LAMA2: variants seen among roughly 807,000 people sequenced by gnomAD.
The protein encoded by LAMA2 is laminin subunit alpha-2.
LAMA2 carries 269 observed loss-of-function variants against 364.8 expected under a neutral mutation model. That is an observed-to-expected ratio of 0.74 (90% CI 0.67 to 0.82). The LOEUF (loss-of-function observed/expected upper bound fraction) is 0.82, where lower values mean the gene tolerates loss of function less well. LAMA2 is among the 40% of genes least tolerant of loss of function. The pLI is 0.00. For synonymous variants in LAMA2, 1,379 were observed against 1,370.6 expected (o/e 1.01, Z -0.14); for missense variants, 3,807 against 3,873.2 (o/e 0.98, Z 0.45).
chr6:129,247,045 T>G (rs995996498), intron 12 of LAMA2, among the ~76,000 whole-genome samples: 2 of 152,092 alleles, frequency 1.3e-5, no homozygotes, highest in Non-Finnish European at 2.9e-5. Flanking sequence ...ATGGAAAGAT[T>G]GTGGAGTTGA....
chr6:129,052,159 A>G (rs4320393), intron 2 of LAMA2, among the ~76,000 whole-genome samples: 29,383 of 140,606 alleles, frequency 0.21, 4,141 homozygotes, highest in African/African-American at 0.41. Flanking sequence ...TTTTTTAGGC[A>G]GAGTTTCGCT....
At chr6:129,327,432 T>C (rs901790564) in intron 28 of LAMA2, among the ~76,000 whole-genome samples, 3 of 152,116 alleles carry the variant, frequency 2.0e-5, no homozygotes, top group Admixed American at 1.3e-4. Flanking sequence ...TTAACCAAGG[T>C]GGTAAAATAG....
chr6:129,469,307 A>G (rs773400902), intron 51 of LAMA2, among the ~76,000 whole-genome samples: 1 of 151,956 alleles, frequency 6.6e-6, no homozygotes, highest in Non-Finnish European at 1.5e-5. Context: ...ATTGGATTCA[A>G]TAATAGTCTA....
chr6:129,074,133 C>G (rs1419445291), intron 3 of LAMA2, among the ~76,000 whole-genome samples: 1 of 152,204 alleles, frequency 6.6e-6, no homozygotes, highest in South Asian at 2.1e-4. Context: ...GTTTACCACA[C>G]TCTTTCCTTC....
At chr6:129,500,625 G>C (rs1453942098) in intron 58 of LAMA2, among the ~76,000 whole-genome samples, 1 of 152,048 alleles carries the variant, frequency 6.6e-6, no homozygotes, top group Admixed American at 6.5e-5. Context: ...CTGGTCAAAG[G>C]TTTTTTTCTA....
intron 37 of LAMA2, among the ~76,000 whole-genome samples, chr6:129,395,282 A>G (rs1039400131): frequency 2.0e-5 from 3 of 152,214 alleles, no homozygotes; most frequent in African/African-American, 7.2e-5. Context: ...TCCACAATGA[A>G]GGTAACACAA....
rs1184040730 is a variant in LAMA2, at chr6:129,316,024, C to T, written c.3925-14C>T. 1.2e-6 allele frequency: 2 copies of T among 1,613,850 alleles called. No homozygotes were observed. Among genetic ancestry groups the T allele is most frequent in the Non-Finnish European group, 1.7e-6 (2 of 1,179,940 alleles). Reference sequence around the variant, plus strand: ...ATTCAGTTTTGTCATAGTGATTTCTCTTCTTGTTAACAGAAAGAATGGAAA... The same window carrying T: ...ATTCAGTTTTGTCATAGTGATTTCTTTTCTTGTTAACAGAAAGAATGGAAA... On this transcript the variant is annotated splice_polypyrimidine_tract_variant and intron_variant, in intron 26 of 64. Transcript: ENST00000421865.
At position 129,200,796 on chromosome 6, in the gene LAMA2, G is replaced by A. The variant is rs554121373; in HGVS notation, c.1782+7943G>A. ...CATAGATGAATACTTAACTTTTATT[G>A]AAATAGGCATTGCAGATCAATGACA... On this transcript the variant is annotated intron_variant, in intron 12 of 64. Transcript: ENST00000421865. Among the ~76,000 whole-genome samples, 5 of 152,102 alleles carry A rather than the reference G, an allele frequency of 3.3e-5. No homozygotes were observed. In the East Asian group the frequency reaches 9.7e-4, roughly 29 times the overall value.
intron 40 of LAMA2, among the ~76,000 whole-genome samples, chr6:129,417,121 G>A (rs1367368785): frequency 1.3e-5 from 2 of 152,124 alleles, no homozygotes; most frequent in Non-Finnish European, 2.9e-5. Context: ...GGAAGGGGGT[G>A]TGTTTCAACC....
chr6:129,223,822 GTGGGCTC>G (rs1038844803), intron 12 of LAMA2, among the ~76,000 whole-genome samples: 1 of 152,164 alleles, frequency 6.6e-6, no homozygotes, highest in African/African-American at 2.4e-5. Flanking sequence ...ACTTGGGAAT[GTGGGCTC>G]TTTTTTGGTT....
chr6:128,983,390 T>G (rs2114643675), intron 1 of LAMA2, among the ~76,000 whole-genome samples: 2 of 152,324 alleles, frequency 1.3e-5, no homozygotes, highest in Admixed American at 1.3e-4. Context: ...TTCATGTGTT[T>G]TTTGGCTGCA....
At chr6:129,134,846 G>A (rs907784753) in intron 4 of LAMA2, among the ~76,000 whole-genome samples, 15 of 152,174 alleles carry the variant, frequency 9.9e-5, no homozygotes, top group Non-Finnish European at 2.1e-4. Context: ...GCATGTTTCA[G>A]TTCTGATTTT....
chr6:129,480,811 G>T (rs1315648454), intron 54 of LAMA2, among the ~76,000 whole-genome samples: 1 of 152,066 alleles, frequency 6.6e-6, no homozygotes, highest in African/African-American at 2.4e-5. Context: ...ACAGATAATG[G>T]TCATACCCAT....
chr6:129,369,120 G>T (rs1777932279), intron 33 of LAMA2, among the ~76,000 whole-genome samples: 1 of 152,154 alleles, frequency 6.6e-6, no homozygotes, highest in Non-Finnish European at 1.5e-5. Flanking sequence ...CCTATCTAGA[G>T]GGAAGGAAGA....
intron 20 of LAMA2, among the ~76,000 whole-genome samples, chr6:129,296,333 T>G (rs1390132814): frequency 6.6e-6 from 1 of 152,154 alleles, no homozygotes; most frequent in East Asian, 1.9e-4. Flanking sequence ...ATGGTTAGTT[T>G]TTTTTATATA....
intron 28 of LAMA2, among the ~76,000 whole-genome samples, chr6:129,323,099 G>T (rs1010030010): frequency 6.6e-6 from 1 of 152,148 alleles, no homozygotes; most frequent in South Asian, 2.1e-4. Context: ...TGTACCTGAA[G>T]TGTTTTCCAC....
intron 12 of LAMA2, among the ~76,000 whole-genome samples, chr6:129,207,289 G>A (rs1782740123): frequency 6.6e-6 from 1 of 151,872 alleles, no homozygotes; most frequent in South Asian, 2.1e-4. Context: ...GGATTTTGAA[G>A]GTCTTTTTTT....
In LAMA2 at chr6:129,456,488, A is replaced by G; in HGVS notation, c.6861A>G (p.Lys2287=). ...TGTTTGTTGGTGGCCTGACTGGGAA[A>G]TTAAAGGTAATGTGTTCATCCTCCT... ...AMLFVGGLTG[K]LKKADAVRVI... is the part of the protein sequence containing the mutation. Residue 2287 remains lysine (K), a synonymous_variant, in exon 48 of 65, where the codon AAA becomes AAG. Transcript: ENST00000421865. The G allele has an allele frequency of 6.2e-7, 1 of 1,613,044 alleles. No homozygotes were observed. The highest frequency in any genetic ancestry group is 1.1e-5 in the South Asian group (1 of 91,072).
chr6:129,285,600 T>A (rs1200296113), intron 18 of LAMA2, among the ~76,000 whole-genome samples: 1 of 152,170 alleles, frequency 6.6e-6, no homozygotes, highest in Non-Finnish European at 1.5e-5. Flanking sequence ...GTGATAATGA[T>A]CATTGTATAT....
Sources: gnomAD v4.1 joint callset for allele counts (sites outside exome capture counted in the v4.1 genomes callset) on GRCh38, gnomAD v4.1.1 for gene constraint, MANE v1.5 for transcripts, NCBI Gene and HGNC (gene_info 2026-07-23, HGNC 2026-07-21) for gene names.